RGS12: variants seen among roughly 807,000 people sequenced by gnomAD.
RGS12 encodes regulator of G protein signaling 12.
A neutral mutation model predicts 120.1 loss-of-function variants in RGS12; 66 were observed. That is an observed-to-expected ratio of 0.55 (90% CI 0.45 to 0.67). RGS12 has a LOEUF of 0.67. Ranked by LOEUF, RGS12 falls within the 30% of genes least tolerant of loss-of-function variation. RGS12 has a pLI of 0.00. For synonymous variants in RGS12, 827 were observed against 804.7 expected, an observed-to-expected ratio of 1.03 and a Z score of -0.47; for missense variants, 1,859 against 1,957.7, an observed-to-expected ratio of 0.95 and a Z score of 0.95.
At chr4:3,419,672 T>C (rs565160229) in intron 9 of RGS12, among the ~76,000 whole-genome samples, 61 of 151,870 alleles carry the variant, frequency 4.0e-4, no homozygotes, top group Admixed American at 2.6e-3. Flanking sequence ...AATTAAAAAT[T>C]AGCCAAGTGT....
chr4:3,293,862 G>T (rs1192552734), intron 1 of RGS12, among the ~76,000 whole-genome samples: 1 of 88,874 alleles, frequency 1.1e-5, no homozygotes, highest in African/African-American at 5.3e-5. Flanking sequence ...TGTAGACAGA[G>T]AGAGGGCCCA....
chr4:3,435,952 CCCCA>C (rs1229812727), intron 17 of RGS12, among the ~76,000 whole-genome samples: 60 of 102,974 alleles, frequency 5.8e-4, no homozygotes, highest in Non-Finnish European at 1.1e-3. Context: ...CCTCAGTCAC[CCCCA>C]CTCCCCTATT....
chr4:3,345,830 T>C lies in RGS12; in HGVS notation c.1998+2777T>C, dbSNP rs1282240048. On this transcript the variant is annotated intron_variant, in intron 3 of 17. Coordinates refer to ENST00000336727, the MANE Select transcript of RGS12 (RefSeq NM_001394154.1). Reference sequence around the variant, plus strand: ...AATGTTTTGAGTCATGAACATAGGCTTAAAGACAACCAGTTGAATAAATCA... The same window carrying C: ...AATGTTTTGAGTCATGAACATAGGCCTAAAGACAACCAGTTGAATAAATCA... Among the ~76,000 whole-genome samples, 5 of 152,256 alleles carry C rather than the reference T, an allele frequency of 3.3e-5. 1 individual carries two copies. The South Asian group carries it at 8.3e-4, about 25-fold the overall frequency.
At chr4:3,322,948 T>C (rs1725295166) in intron 2 of RGS12, among the ~76,000 whole-genome samples, 1 of 152,248 alleles carries the variant, frequency 6.6e-6, no homozygotes, top group South Asian at 2.1e-4. Flanking sequence ...GATAAGACCA[T>C]TAACAGAGAA....
At chr4:3,361,619 G>A (rs1259383841) in intron 3 of RGS12, among the ~76,000 whole-genome samples, 1 of 152,186 alleles carries the variant, frequency 6.6e-6, no homozygotes, top group African/African-American at 2.4e-5. Context: ...GGTAGCAGGA[G>A]CGAGGGAAGG....
At chr4:3,307,705 G>A (rs1219278007) in intron 1 of RGS12, among the ~76,000 whole-genome samples, 4 of 152,316 alleles carry the variant, frequency 2.6e-5, no homozygotes, top group African/African-American at 9.6e-5. Flanking sequence ...CTAGAACTGT[G>A]CCTGGCATGG....
rs1319426781 is a variant in RGS12, at chr4:3,425,385, G to A, written c.3235-79G>A. On this transcript the variant is annotated intron_variant, in intron 13 of 17. Coordinates refer to ENST00000336727, the MANE Select transcript of RGS12 (RefSeq NM_001394154.1). Reference sequence around the variant, plus strand: ...ACTCCATCAAGCCTAGGACAGTCATGCAGTCGGGTGGGATCACACACATCT... The same window carrying A: ...ACTCCATCAAGCCTAGGACAGTCATACAGTCGGGTGGGATCACACACATCT... 4.0e-6 allele frequency: 5 copies of A among 1,257,358 alleles called. No homozygotes were observed. In the East Asian group the frequency reaches 1.2e-4, roughly 29 times the overall value. The allele number at this position is 1,257,358 out of a possible 1,614,324, so 77.9% of individuals were successfully genotyped here.
chr4:3,288,599 G>C (rs1317652883), upstream of RGS12, among the ~76,000 whole-genome samples: 1 of 152,198 alleles, frequency 6.6e-6, no homozygotes, highest in Non-Finnish European at 1.5e-5. The surrounding 1 kb of genome is among the most constrained non-coding windows in gnomAD (Gnocchi z 5.2). Flanking sequence ...CTCAGACCCT[G>C]ACACAAGCAA....
chr4:3,394,979 G>A (rs545713848), intron 4 of RGS12, among the ~76,000 whole-genome samples: 133 of 152,058 alleles, frequency 8.7e-4, no homozygotes, highest in Non-Finnish European at 1.4e-3. Flanking sequence ...GACCAGCCTG[G>A]CCAATATGGC....
chr4:3,353,541 C>T (rs1489553449), intron 3 of RGS12, among the ~76,000 whole-genome samples: 10 of 152,128 alleles, frequency 6.6e-5, no homozygotes, highest in African/African-American at 1.9e-4. Flanking sequence ...GAGGATGGTA[C>T]CAGTCTGGGC....
intron 3 of RGS12, among the ~76,000 whole-genome samples, chr4:3,369,182 C>A (rs73193369): frequency 0.25 from 37,398 of 152,054 alleles, 4,894 homozygotes; most frequent in South Asian, 0.35. Flanking sequence ...CGCCTGCCCC[C>A]CGCCCCTGCA....
At chr4:3,376,982 A>G (rs967831083) in intron 3 of RGS12, among the ~76,000 whole-genome samples, 1 of 151,894 alleles carries the variant, frequency 6.6e-6, no homozygotes, top group Non-Finnish European at 1.5e-5. Context: ...AAGGTAAAGC[A>G]TATATTAGGT....
At chr4:3,294,689 T>C (rs910558582) in intron 1 of RGS12, among the ~76,000 whole-genome samples, 6 of 152,236 alleles carry the variant, frequency 3.9e-5, no homozygotes, top group African/African-American at 1.2e-4. Flanking sequence ...TGGGTCTTTT[T>C]CTTAAAACTG....
chr4:3,367,689 C>T (rs1005781191), intron 3 of RGS12, among the ~76,000 whole-genome samples: 10 of 152,188 alleles, frequency 6.6e-5, no homozygotes, highest in African/African-American at 2.2e-4. Flanking sequence ...TTCTCCCAGG[C>T]GTGTTCTGGC....
chr4:3,379,473 AATATC>A (rs1718046137), intron 3 of RGS12, among the ~76,000 whole-genome samples: 1 of 152,214 alleles, frequency 6.6e-6, no homozygotes, highest in Admixed American at 6.5e-5. Flanking sequence ...CATATATTAA[AATATC>A]ATATCACATA....
chr4:3,373,216 A>G (rs1717228675), intron 3 of RGS12, among the ~76,000 whole-genome samples: 1 of 152,242 alleles, frequency 6.6e-6, no homozygotes, highest in Admixed American at 6.5e-5. Flanking sequence ...CTTGGGCCCC[A>G]TGCCATTTGA....
intron 2 of RGS12, among the ~76,000 whole-genome samples, chr4:3,326,212 G>C (rs1725544046): frequency 1.3e-5 from 2 of 152,200 alleles, no homozygotes; most frequent in African/African-American, 4.8e-5. Flanking sequence ...ATACCAATTA[G>C]AGAAGAGGAG....
intron 3 of RGS12, among the ~76,000 whole-genome samples, chr4:3,362,955 C>T (rs1216786105): frequency 3.0e-5 from 3 of 99,244 alleles, no homozygotes; most frequent in Non-Finnish European, 6.3e-5. Flanking sequence ...GTGCACGTGC[C>T]AGTGTGTGAA....
chr4:3,313,602 C>T (rs1302151489), intron 1 of RGS12, among the ~76,000 whole-genome samples: 1 of 152,200 alleles, frequency 6.6e-6, no homozygotes. Flanking sequence ...TGTCTGCAGT[C>T]AGTGTGACCT....
Sources: gnomAD v4.1 joint callset for allele counts (sites outside exome capture counted in the v4.1 genomes callset) on GRCh38, gnomAD v4.1.1 for gene constraint, Gnocchi (gnomAD v3.1) non-coding constraint, MANE v1.5 for transcripts, NCBI Gene and HGNC (gene_info 2026-07-23, HGNC 2026-07-21) for gene names.